PEAK1: variants seen among roughly 807,000 people sequenced by gnomAD.
PEAK1 encodes the protein inactive tyrosine-protein kinase PEAK1.
In PEAK1, 54 loss-of-function variants were observed where a neutral mutation model predicts 124.7. The observed-to-expected ratio is 0.43, with a 90% CI of 0.35 to 0.54. The LOEUF (loss-of-function observed/expected upper bound fraction) is 0.54, where lower values mean the gene tolerates loss of function less well. PEAK1 is among the 20% of genes least tolerant of loss of function. The pLI, the probability that PEAK1 is intolerant of heterozygous loss-of-function variation, is 0.01. For synonymous variants in PEAK1, 719 were observed against 760.0 expected (o/e 0.95, Z 0.89); for missense variants, 2,046 against 2,134.5 (o/e 0.96, Z 0.82).
At chr15:77,371,952 T>A in intron 1 of PEAK1, among the ~76,000 whole-genome samples, 1 of 152,196 alleles carries the variant, frequency 6.6e-6, no homozygotes, top group East Asian at 1.9e-4. Flanking sequence ...TTCACGTAAT[T>A]CCTAGCACAT....
At chr15:77,339,661 T>C (rs1031988113) in intron 2 of PEAK1, among the ~76,000 whole-genome samples, 10 of 152,134 alleles carry the variant, frequency 6.6e-5, no homozygotes, top group African/African-American at 2.2e-4. Context: ...AACTGGTAAG[T>C]TGGACATCAT....
At chr15:77,290,541 C>T (rs1240622091) in intron 2 of PEAK1, among the ~76,000 whole-genome samples, 1 of 152,094 alleles carries the variant, frequency 6.6e-6, no homozygotes, top group East Asian at 1.9e-4. Context: ...GCATAAGCCA[C>T]CTTGCCCAGC....
chr15:77,187,974 C>T (rs2152829727), intron 6 of PEAK1, among the ~76,000 whole-genome samples: 1 of 152,276 alleles, frequency 6.6e-6, no homozygotes, highest in Admixed American at 6.5e-5. Context: ...AAAATGCTGA[C>T]CTGACACCTC....
chr15:77,180,671 AGAGCAAG>A lies in PEAK1; in HGVS notation c.1249_1255del (p.Leu417SerfsTer3). ...CTTGCCATCTTTCTCTTCTAATCGGAGAGCAAGGACTGCTTTGTGGGTCTCTGGAACT... is the reference window on the plus strand; with the variant it reads ...CTTGCCATCTTTCTCTTCTAATCGGAGACTGCTTTGTGGGTCTCTGGAACT... On this transcript the variant is annotated frameshift_variant, in exon 7 of 10. Coordinates refer to ENST00000682557, the MANE Select transcript of PEAK1 (RefSeq NM_001385026.1). LOFTEE classifies it high-confidence loss of function. The A allele has an allele frequency of 6.2e-7, 1 of 1,614,106 alleles. No homozygotes were observed. Among genetic ancestry groups the A allele is most frequent in the Non-Finnish European group, 8.5e-7 (1 of 1,180,000 alleles).
chr15:77,395,964 G>A (rs2070849079), intron 1 of PEAK1, among the ~76,000 whole-genome samples: 3 of 152,114 alleles, frequency 2.0e-5, no homozygotes, highest in Admixed American at 2.0e-4. Flanking sequence ...CATATCTTGA[G>A]TAGAAAGACT....
chr15:77,317,418 T>G lies in PEAK1; in HGVS notation c.-602-30914A>C, dbSNP rs571886342. 5.3e-5 allele frequency among the ~76,000 whole-genome samples: 8 copies of G among 152,330 alleles called. No individual in the cohort carries two copies. The South Asian group carries it at 1.4e-3, about 28-fold the overall frequency. ...ATACCAGACACAATCAGTTAATAAT[T>G]CAGTATATTTCCTTTTAATTTGTAC... On this transcript the variant is annotated intron_variant, in intron 2 of 9. Transcript: ENST00000682557.
At position 77,257,588 on chromosome 15, in the gene PEAK1, T is replaced by C. The variant is rs1009838035; in HGVS notation, c.-274-5062A>G. Among the ~76,000 whole-genome samples, 12 of 151,938 alleles carry C rather than the reference T, an allele frequency of 7.9e-5. No individual in the cohort carries two copies. In the East Asian group the frequency reaches 9.6e-4, roughly 12 times the overall value. ...TTGATGGGGTTGTTTGTTTTTTTCTTGTAAATTTGTTTGAGTTCACTTTAG... is the reference window on the plus strand; with the variant it reads ...TTGATGGGGTTGTTTGTTTTTTTCTCGTAAATTTGTTTGAGTTCACTTTAG... On this transcript the variant is annotated intron_variant, in intron 5 of 9. Coordinates refer to ENST00000682557, the MANE Select transcript of PEAK1 (RefSeq NM_001385026.1).
chr15:77,210,224 T>C (rs1003562434), intron 6 of PEAK1, among the ~76,000 whole-genome samples: 1 of 152,238 alleles, frequency 6.6e-6, no homozygotes, highest in African/African-American at 2.4e-5. Context: ...ATTCAACTTA[T>C]AGTTTCCATA....
At chr15:77,303,359 T>G (rs1213856800) in intron 2 of PEAK1, among the ~76,000 whole-genome samples, 1 of 152,222 alleles carries the variant, frequency 6.6e-6, no homozygotes, top group Non-Finnish European at 1.5e-5. Flanking sequence ...CATTTTACAT[T>G]CTCACCAGCA....
chr15:77,259,203 C>G (rs1021814120), intron 5 of PEAK1, among the ~76,000 whole-genome samples: 1 of 152,048 alleles, frequency 6.6e-6, no homozygotes, highest in African/African-American at 2.4e-5. Context: ...TGGCTATTTG[C>G]TAAAATTTTA....
Position 77,112,982 on chromosome 15 carries a change from A to T in PEAK1, c.*1174T>A, listed in dbSNP as rs2152707436. 6.6e-6 allele frequency: 1 copy of T among 152,364 alleles called. No individual in the cohort carries two copies. The highest frequency in any genetic ancestry group is 2.1e-4 in the South Asian group (1 of 4,824). The allele number at this position is 152,364 out of a possible 1,614,324, so 9.4% of individuals were successfully genotyped here. A position where few individuals can be genotyped will look rare whatever the true frequency, so the allele number is the denominator to read the frequency against. On this transcript the variant is annotated 3_prime_UTR_variant, in exon 10 of 10. Coordinates refer to ENST00000682557, the MANE Select transcript of PEAK1 (RefSeq NM_001385026.1). Reference sequence around the variant, plus strand: ...AGTCAGAAGGAGCAATGAGCCACTTAAACACTGGGAGGCAGTCTCTCTAGA... The same window carrying T: ...AGTCAGAAGGAGCAATGAGCCACTTTAACACTGGGAGGCAGTCTCTCTAGA...
chr15:77,256,060 G>A (rs2061116211), intron 5 of PEAK1, among the ~76,000 whole-genome samples: 1 of 152,110 alleles, frequency 6.6e-6, no homozygotes, highest in African/African-American at 2.4e-5. Context: ...TAAATATAAG[G>A]TGAAGGGACT....
At chr15:77,329,767 A>G (rs2065790468) in intron 2 of PEAK1, among the ~76,000 whole-genome samples, 1 of 152,190 alleles carries the variant, frequency 6.6e-6, no homozygotes, top group South Asian at 2.1e-4. Context: ...CAGAATACAT[A>G]AGAAAAAATT....
rs766166041 is a variant in PEAK1, at chr15:77,178,798, C to A, written c.3129G>T (p.Lys1043Asn). The stretch of plus-strand genomic sequence containing the variant: ...CAGTCTATTTTACATACCTGAGAAT[C>A]TTTTTAGGAATCTGTGATGGAGAAG... ...SHSSPSQIPK[K>N]ILSHMTHEVT... is the part of the protein sequence containing the mutation. Residue 1043 changes from lysine (K) to asparagine (N), a missense_variant, in exon 7 of 10, where the codon AAG becomes AAT. Physicochemically the swap from Lys to Asn is moderately conservative, Grantham distance 94 (BLOSUM62 0). Coordinates refer to ENST00000682557, the MANE Select transcript of PEAK1 (RefSeq NM_001385026.1). 8.7e-6 allele frequency: 14 copies of A among 1,612,058 alleles called. No individual in the cohort carries two copies. In the African/African-American group the frequency reaches 1.6e-4, roughly 18 times the overall value.
chr15:77,397,346 T>C (rs2070976470), intron 1 of PEAK1, among the ~76,000 whole-genome samples: 1 of 151,914 alleles, frequency 6.6e-6, no homozygotes, highest in East Asian at 1.9e-4. Flanking sequence ...TAATCACCTA[T>C]ATAAAAACAA....
At chr15:77,221,809 G>C (rs1165629770) in intron 6 of PEAK1, among the ~76,000 whole-genome samples, 1 of 152,084 alleles carries the variant, frequency 6.6e-6, no homozygotes, top group Non-Finnish European at 1.5e-5. Context: ...TAATCTGCAG[G>C]AATTTTGGGC....
At chr15:77,239,451 A>G (rs1331391438) in intron 6 of PEAK1, among the ~76,000 whole-genome samples, 4 of 152,188 alleles carry the variant, frequency 2.6e-5, no homozygotes, top group Non-Finnish European at 5.9e-5. Flanking sequence ...GGCAAAAACA[A>G]CATTTTGAGC....
At position 77,110,805 on chromosome 15, in the gene PEAK1, C is replaced by G. The variant is rs1329141971; in HGVS notation, c.*3351G>C. The G allele has an allele frequency of 6.6e-6, 1 of 152,132 alleles. No homozygotes were observed. Among genetic ancestry groups the G allele is most frequent in the Non-Finnish European group, 1.5e-5 (1 of 68,038 alleles). The allele number at this position is 152,132 out of a possible 1,614,324, so 9.4% of individuals were successfully genotyped here. On this transcript the variant is annotated 3_prime_UTR_variant, in exon 10 of 10. Coordinates refer to ENST00000682557, the MANE Select transcript of PEAK1 (RefSeq NM_001385026.1). ...GGTTACAGTGACTCTTTTTCTCATC[C>G]TGCTGTTATTCTTCATGAATTGGCT...
At chr15:77,262,707 T>C (rs2061505324) in intron 5 of PEAK1, among the ~76,000 whole-genome samples, 2 of 150,836 alleles carry the variant, frequency 1.3e-5, no homozygotes, top group South Asian at 4.2e-4. Context: ...GACAGAAAGT[T>C]AACAAGGATA....
Sources: allele counts gnomAD v4.1 joint callset (sites outside exome capture counted in the v4.1 genomes callset), GRCh38; gene constraint gnomAD v4.1.1; transcripts MANE v1.5; gene names NCBI Gene and HGNC (gene_info 2026-07-23, HGNC 2026-07-21).